Variants in SEC14L4 observed in about 807,000 individuals in gnomAD.
The protein encoded by SEC14L4 is SEC14-like protein 4.
SEC14L4 carries 42 observed loss-of-function variants against 55.1 expected under a neutral mutation model. The ratio of observed to expected loss-of-function variants is 0.76; its 90% CI spans 0.60 to 0.99. The LOEUF is 0.99. Ranked by LOEUF, SEC14L4 falls within the 50% of genes least tolerant of loss-of-function variation. SEC14L4 has a pLI of 0.00. For synonymous variants in SEC14L4, 206 were observed against 206.8 expected (o/e 1.00, Z 0.03); for missense variants, 445 against 512.1 (o/e 0.87, Z 1.27).
chr22:30,505,599 C>G lies in SEC14L4; in HGVS notation c.13G>C (p.Val5Leu). Residue 5 changes from valine (V) to leucine (L), a missense_variant, in exon 1 of 12, where the codon GTC becomes CTC. By Grantham distance (32) the Val-to-Leu change is conservative. Coordinates refer to ENST00000255858, the MANE Select transcript of SEC14L4 (RefSeq NM_174977.4). MSSRVGDLSPQQQEA... is the reference protein window; with the variant it reads MSSRLGDLSPQQQEA... ...TGCTGCTGGGGGCTCAGGTCCCCGA[C>G]TCGGCTGCTCATGGTGCCCGCGGGC... The G allele has an allele frequency of 1.3e-6, 2 of 1,565,890 alleles. No individual in the cohort carries two copies. Among genetic ancestry groups the G allele is most frequent in the Non-Finnish European group, 1.7e-6 (2 of 1,159,614 alleles).
At position 30,494,103 on chromosome 22, in the gene SEC14L4, A is replaced by G. The variant is rs185438940; in HGVS notation, c.580+47T>C. The G allele has an allele frequency of 5.6e-6, 8 of 1,428,038 alleles. No individual in the cohort carries two copies. The East Asian group carries it at 1.8e-4, about 32-fold the overall frequency. The allele number at this position is 1,428,038 out of a possible 1,614,324, so 88.5% of individuals were successfully genotyped here. The stretch of plus-strand genomic sequence containing the variant: ...CCATGGCTTACCTACTGTACCCCCA[A>G]TTCCTGCTTCTCCCTCCCCAGGAGG... On this transcript the variant is annotated intron_variant, in intron 7 of 11. Transcript: ENST00000255858.
intron 11 of SEC14L4, among the ~76,000 whole-genome samples, chr22:30,490,700 C>A (rs989047292): frequency 6.6e-6 from 1 of 152,190 alleles, no homozygotes; most frequent in African/African-American, 2.4e-5. Flanking sequence ...CCTGAATCCT[C>A]AAAGCAGCCC....
At chr22:30,491,472 G>T in intron 11 of SEC14L4, 101 bp downstream of exon 11, 2 of 1,428,716 alleles carry the variant, frequency 1.4e-6, no homozygotes, top group African/African-American at 1.4e-5. Context: ...CTCCCCTGGA[G>T]CTTACAGAGA....
chr22:30,496,272 C>A (rs575772123), intron 2 of SEC14L4, among the ~76,000 whole-genome samples: 4 of 149,936 alleles, frequency 2.7e-5, no homozygotes, highest in Admixed American at 6.7e-5. Context: ...ACCACCATGC[C>A]TGGCTAATTT....
Position 30,495,393 on chromosome 22 carries a change from C to G in SEC14L4, c.284G>C (p.Gly95Ala). 3 of 1,614,066 alleles carry G rather than the reference C, an allele frequency of 1.9e-6. No individual in the cohort carries two copies. Among genetic ancestry groups the G allele is most frequent in the East Asian group, 4.5e-5 (2 of 44,870 alleles). ...SGGLCGYDYEGCPVYFNIIGS... is the reference protein window; with the variant it reads ...SGGLCGYDYEACPVYFNIIGS... ...AATGATGTTGAAGTACACAGGGCAG[C>G]CTTCGTAGTCGTAGCCACAAAGACC... Residue 95 changes from glycine to alanine, a missense_variant, in exon 5 of 12, where the codon GGC becomes GCC. Coordinates refer to ENST00000255858, the MANE Select transcript of SEC14L4 (RefSeq NM_174977.4).
intron 7 of SEC14L4, among the ~76,000 whole-genome samples, chr22:30,493,307 T>C (rs1936028996): frequency 6.6e-6 from 1 of 152,178 alleles, no homozygotes; most frequent in African/African-American, 2.4e-5. Context: ...AACTGAGCAC[T>C]GTCTGTGGGC....
chr22:30,496,034 A>C (rs1004807691), intron 2 of SEC14L4, 63 bp from the exon 3 acceptor site: 10 of 1,443,164 alleles, frequency 6.9e-6, no homozygotes, highest in African/African-American at 1.4e-5. Context: ...TTCCCTAAAA[A>C]CTCATGAGGA....
chr22:30,495,515 C>T (rs1936117969), intron 4 of SEC14L4, 68 bp downstream of exon 4: 15 of 1,608,164 alleles, frequency 9.3e-6, no homozygotes, highest in South Asian at 6.6e-5. Context: ...GGTGGCTGGA[C>T]GTGGTAGGTG....
In SEC14L4 at chr22:30,505,564, C is replaced by T. The variant is rs1363971908; in HGVS notation, c.48G>A (p.Leu16=). The T allele has an allele frequency of 5.1e-6, 8 of 1,568,186 alleles. No individual in the cohort carries two copies. The highest frequency in any genetic ancestry group is 6.9e-6 in the Non-Finnish European group (8 of 1,158,836). Residue 16 remains leucine (L), a synonymous_variant, in exon 1 of 12, where the codon CTG becomes CTA. Coordinates refer to ENST00000255858, the MANE Select transcript of SEC14L4 (RefSeq NM_174977.4). ...GDLSPQQQEA[L]ARFRENLQDL... ...AGCCCGCGATGCTCCTCACCCTGGC[C>T]AGCGCTTCCTGCTGCTGGGGGCTCA...
chr22:30,492,582 G>A (rs1346036839), intron 7 of SEC14L4, 25 bp from the exon 8 acceptor site: 2 of 1,587,894 alleles, frequency 1.3e-6, no homozygotes, highest in Non-Finnish European at 1.7e-6. Flanking sequence ...AATCTCTTGA[G>A]AAGCTGGACC....
Position 30,494,274 on chromosome 22 carries a change from T to C in SEC14L4, c.520-64A>G. The C allele has an allele frequency of 4.7e-6, 6 of 1,273,266 alleles. No individual in the cohort carries two copies. In the South Asian group the frequency reaches 4.8e-5, roughly 10 times the overall value. 78.9% of individuals were successfully genotyped at this position (1,273,266 alleles called of 1,614,324 possible). ...ATCACCTCCCGCCCATGGGTTTCTG[T>C]GGCCTCTGATGCTGCTGAGACAAGA... On this transcript the variant is annotated intron_variant, in intron 6 of 11. Transcript: ENST00000255858.
Position 30,490,123 on chromosome 22 carries a change from G to A in SEC14L4, c.1205C>T (p.Pro402Leu). ...CTGGGGTCTTCACTGTGTTGGGGAG[G>A]GTCTCATCGCCTTGAGACTCTGCAG... ...ETLQSLKAMR[P>L]SPTQ is the part of the protein sequence containing the mutation. The change falls in exon 12 of 12, where the codon CCC (proline) becomes CTC (leucine). Residue 402 changes from proline (P) to leucine (L), a missense_variant. Transcript: ENST00000255858. 1.2e-6 allele frequency: 2 copies of A among 1,613,888 alleles called. No individual in the cohort carries two copies. The highest frequency in any genetic ancestry group is 2.2e-5 in the East Asian group (1 of 44,870).
chr22:30,490,466 T>A (rs1407098147), intron 11 of SEC14L4, among the ~76,000 whole-genome samples: 1 of 152,164 alleles, frequency 6.6e-6, no homozygotes, highest in African/African-American at 2.4e-5. Context: ...GCCATCTCCA[T>A]GGTGGCTTGC....
chr22:30,494,045 C>A, intron 7 of SEC14L4, 105 bp downstream of exon 7: 1 of 846,068 alleles, frequency 1.2e-6, no homozygotes, highest in East Asian at 2.5e-5. Context: ...AAACCTGGTT[C>A]TTCACAAAGG....
intron 3 of SEC14L4, 105 bp from the exon 4 acceptor site, chr22:30,495,747 C>G (rs969429965): frequency 6.2e-7 from 1 of 1,608,192 alleles, no homozygotes; most frequent in African/African-American, 1.3e-5. Context: ...CATACCCAGG[C>G]TCTCAGAGCG....
At chr22:30,497,670 AG>A (rs1936193435) in intron 2 of SEC14L4, among the ~76,000 whole-genome samples, 1 of 152,192 alleles carries the variant, frequency 6.6e-6, no homozygotes, top group South Asian at 2.1e-4. Context: ...TGATGATTCC[AG>A]CCCCATCATC....
At chr22:30,493,222 T>C (rs764026832) in intron 7 of SEC14L4, among the ~76,000 whole-genome samples, 4 of 152,094 alleles carry the variant, frequency 2.6e-5, no homozygotes, top group African/African-American at 7.2e-5. Flanking sequence ...TTTTCCACAC[T>C]CCAGGTTGTC....
At chr22:30,494,265 G>T in intron 6 of SEC14L4, 55 bp from the exon 7 acceptor site, 1 of 1,389,144 alleles carries the variant, frequency 7.2e-7, no homozygotes, top group Non-Finnish European at 1.0e-6. Flanking sequence ...TCCCGCCCAT[G>T]GGTTTCTGTG....
chr22:30,505,457 C>A (rs1390749987), intron 1 of SEC14L4, 101 bp downstream of exon 1: 1 of 1,237,342 alleles, frequency 8.1e-7, no homozygotes, highest in Non-Finnish European at 1.1e-6. Flanking sequence ...TCTCTCCAGG[C>A]TCGGTGTTCC....
Sources: gnomAD v4.1 joint callset for allele counts (sites outside exome capture counted in the v4.1 genomes callset) on GRCh38, gnomAD v4.1.1 for gene constraint, MANE v1.5 for transcripts, NCBI Gene and HGNC (gene_info 2026-07-23, HGNC 2026-07-21) for gene names.